The following AREG variants were observed in gnomAD, a reference collection of about 807,000 sequenced individuals.
The protein encoded by AREG is amphiregulin.
Under a neutral mutation model 28.0 loss-of-function variants are expected in AREG, and 16 were observed. That is an observed-to-expected ratio of 0.57 (90% CI 0.39 to 0.87). The LOEUF is 0.87. AREG is among the 40% of genes least tolerant of loss of function. The pLI, the probability that AREG is intolerant of heterozygous loss-of-function variation, is 0.00. For synonymous variants in AREG, 113 were observed against 113.5 expected, an observed-to-expected ratio of 1.00 and a Z score of 0.02; for missense variants, 287 against 309.1, an observed-to-expected ratio of 0.93 and a Z score of 0.53.
chr4:74,449,202 C>G lies in AREG; in HGVS notation c.466C>G (p.His156Asp). Residue 156 changes from histidine (H) to aspartate (D), a missense_variant, in exon 3 of 6, where the codon CAC becomes GAC. Physicochemically the swap from His to Asp is moderately conservative, Grantham distance 81 (BLOSUM62 -1). Coordinates refer to ENST00000395748, the MANE Select transcript of AREG (RefSeq NM_001657.4). Reference sequence around the variant, plus strand: ...TGCAGAATTTCAAAATTTCTGCATTCACGGAGAATGCAAATATATAGAGCA... The same window carrying G: ...TGCAGAATTTCAAAATTTCTGCATTGACGGAGAATGCAAATATATAGAGCA... The part of the protein sequence containing the change: ...CNAEFQNFCI[H>D]GECKYIEHLE... 6.2e-7 allele frequency: 1 copy of G among 1,613,214 alleles called. No homozygotes were observed. The highest frequency in any genetic ancestry group is 1.3e-5 in the African/African-American group (1 of 74,856).
intron 2 of AREG, 152 bp from the exon 3 acceptor site, chr4:74,448,895 C>A: frequency 9.1e-7 from 1 of 1,094,480 alleles, no homozygotes; most frequent in Non-Finnish European, 1.3e-6. Flanking sequence ...TAGGGTTATG[C>A]AGTCCTCTCT....
At chr4:74,452,818 G>A (rs1719402383) in intron 5 of AREG, among the ~76,000 whole-genome samples, 163 bp downstream of exon 5, 1 of 152,148 alleles carries the variant, frequency 6.6e-6, no homozygotes, top group South Asian at 2.1e-4. Context: ...GGAATTCAAT[G>A]TTGAGAATAG....
chr4:74,445,984 T>C (rs1472274348), intron 1 of AREG, among the ~76,000 whole-genome samples: 1 of 152,216 alleles, frequency 6.6e-6, no homozygotes, highest in East Asian at 1.9e-4. Context: ...ATGACAATAA[T>C]AATCGATATA....
chr4:74,452,466 C>A, intron 4 of AREG, 78 bp from the exon 5 acceptor site: 1 of 1,551,574 alleles, frequency 6.4e-7, no homozygotes, highest in Non-Finnish European at 8.9e-7. Flanking sequence ...AGTGGAACCC[C>A]CTCTACTCAT....
chr4:74,446,901 A>AT, intron 2 of AREG, 119 bp downstream of exon 2: 1 of 1,594,992 alleles, frequency 6.3e-7, no homozygotes, highest in South Asian at 1.1e-5. Context: ...TATCTGTTGG[A>AT]TAGCCCCTAG....
At chr4:74,454,403 A>G (rs1306842965) in intron 5 of AREG, among the ~76,000 whole-genome samples, 2 of 152,206 alleles carry the variant, frequency 1.3e-5, no homozygotes, top group Non-Finnish European at 2.9e-5. Context: ...ATATGCTGAG[A>G]CAGTTAATCT....
chr4:74,450,349 A>G, intron 3 of AREG, 31 bp from the exon 4 acceptor site: 2 of 1,613,874 alleles, frequency 1.2e-6, no homozygotes, highest in East Asian at 2.2e-5. Flanking sequence ...CGTTTTTGTG[A>G]TTATAATTTT....
chr4:74,448,919 T>C, intron 2 of AREG, 128 bp from the exon 3 acceptor site: 1 of 1,315,392 alleles, frequency 7.6e-7, no homozygotes, highest in Non-Finnish European at 1.1e-6. Context: ...TTTTATATTG[T>C]GTTAGGTAAT....
At chr4:74,453,610 TAA>T (rs1719414546) in intron 5 of AREG, among the ~76,000 whole-genome samples, 1 of 152,150 alleles carries the variant, frequency 6.6e-6, no homozygotes, top group South Asian at 2.1e-4. Flanking sequence ...TCAGTAGGTT[TAA>T]GAGTTACTTG....
intron 4 of AREG, among the ~76,000 whole-genome samples, chr4:74,450,980 A>G (rs1463152522): frequency 2.6e-5 from 4 of 152,202 alleles, no homozygotes; most frequent in Non-Finnish European, 5.9e-5. Flanking sequence ...AGCAGTAAAG[A>G]ATAGATATGT....
intron 3 of AREG, 141 bp downstream of exon 3, chr4:74,449,389 A>G: frequency 6.9e-7 from 1 of 1,455,526 alleles, no homozygotes; most frequent in Non-Finnish European, 9.3e-7. Context: ...AGTAAATATT[A>G]TAGGCTTAGT....
chr4:74,446,450 GAT>G (rs1267040448), intron 1 of AREG, 82 bp from the exon 2 acceptor site: 97 of 1,610,508 alleles, frequency 6.0e-5, no homozygotes, highest in Non-Finnish European at 8.0e-5. Flanking sequence ...GATGTCAAAA[GAT>G]AAACTTTTCT....
chr4:74,449,352 A>G (rs1208433464), intron 3 of AREG, 104 bp downstream of exon 3: 63 of 1,564,386 alleles, frequency 4.0e-5, no homozygotes, highest in Admixed American at 5.9e-5. Flanking sequence ...ACCAAGGGTC[A>G]GTAAACTTTT....
chr4:74,449,373 C>G (rs1288028969), intron 3 of AREG, 125 bp downstream of exon 3: 23 of 1,506,900 alleles, frequency 1.5e-5, no homozygotes, highest in Admixed American at 2.2e-5. Context: ...TGTTAAAGCA[C>G]CAGATAGTAA....
chr4:74,449,937 T>C lies in AREG; in HGVS notation c.513-443T>C, dbSNP rs1008599234. 6.7e-4 allele frequency among the ~76,000 whole-genome samples: 102 copies of C among 151,914 alleles called. 3 individuals carry two copies. In the South Asian group the frequency reaches 0.021, roughly 31 times the overall value. ...CTCTCTCTCTCTCTCTCTCTCTTTC[T>C]TTCTATATATATATGTATGTGTGTG... is the stretch of plus-strand genomic sequence containing the variant. On this transcript the variant is annotated intron_variant, in intron 3 of 5. Coordinates refer to ENST00000395748, the MANE Select transcript of AREG (RefSeq NM_001657.4).
At chr4:74,446,874 C>G in intron 2 of AREG, 92 bp downstream of exon 2, 1 of 1,595,614 alleles carries the variant, frequency 6.3e-7, no homozygotes, top group East Asian at 2.3e-5. Context: ...CCCAGATTTT[C>G]TAGTGGCTTT....
intron 1 of AREG, 88 bp from the exon 2 acceptor site, chr4:74,446,446 A>G: frequency 6.2e-7 from 1 of 1,609,714 alleles, no homozygotes; most frequent in South Asian, 1.1e-5. Flanking sequence ...CTTTGATGTC[A>G]AAAGATAAAC....
chr4:74,448,371 A>G (rs913724350), intron 2 of AREG, among the ~76,000 whole-genome samples: 13 of 152,208 alleles, frequency 8.5e-5, no homozygotes, highest in Non-Finnish European at 1.5e-4. Context: ...CAGATATTCT[A>G]TCTTTGATAC....
Position 74,445,318 on chromosome 4 carries a change from A to G in AREG, c.-28A>G. Reference sequence around the variant, plus strand: ...TCCCAGAGACCGAGTTGCCCCAGAGACCGAGACGCCGCCGCTGCGAAGGAC... The same window carrying G: ...TCCCAGAGACCGAGTTGCCCCAGAGGCCGAGACGCCGCCGCTGCGAAGGAC... On this transcript the variant is annotated 5_prime_UTR_variant, in exon 1 of 6. Coordinates refer to ENST00000395748, the MANE Select transcript of AREG (RefSeq NM_001657.4). 6.2e-7 allele frequency: 1 copy of G among 1,605,290 alleles called. No individual in the cohort carries two copies. The highest frequency in any genetic ancestry group is 1.3e-5 in the African/African-American group (1 of 74,818).
Sources: gnomAD v4.1 joint callset for allele counts (sites outside exome capture counted in the v4.1 genomes callset) on GRCh38, gnomAD v4.1.1 for gene constraint, MANE v1.5 for transcripts, NCBI Gene and HGNC (gene_info 2026-07-23, HGNC 2026-07-21) for gene names.